SNTG2: variants seen among roughly 807,000 people sequenced by gnomAD.
The protein encoded by SNTG2 is gamma-2-syntrophin.
Under a neutral mutation model 70.9 loss-of-function variants are expected in SNTG2, and 74 were observed. The ratio of observed to expected loss-of-function variants is 1.04; its 90% CI spans 0.86 to 1.27. The LOEUF (loss-of-function observed/expected upper bound fraction) is 1.27, where lower values mean the gene tolerates loss of function less well. Among genes scored for constraint, SNTG2 ranks in the 50% most tolerant of loss-of-function variants. The pLI, the probability that SNTG2 is intolerant of heterozygous loss-of-function variation, is 0.00. For synonymous variants in SNTG2, 278 were observed against 273.8 expected (o/e 1.02, Z -0.15); for missense variants, 717 against 690.7 (o/e 1.04, Z -0.43).
intron 14 of SNTG2, among the ~76,000 whole-genome samples, chr2:1,271,316 GAA>G (rs969419248): frequency 6.6e-6 from 1 of 151,800 alleles, no homozygotes; most frequent in African/African-American, 2.4e-5. Context: ...CCTTTTTATT[GAA>G]AAGTCATCAC....
chr2:1,217,405 G>C (rs28451701), intron 9 of SNTG2, among the ~76,000 whole-genome samples: 27,566 of 152,150 alleles, frequency 0.18, 4,949 homozygotes, highest in African/African-American at 0.47. Flanking sequence ...TACACAGTAC[G>C]AGAAAAGATT....
intron 12 of SNTG2, among the ~76,000 whole-genome samples, chr2:1,255,579 C>T (rs1678005908): frequency 6.6e-6 from 1 of 151,882 alleles, no homozygotes; most frequent in Admixed American, 6.6e-5. Context: ...CTGAGCCTCA[C>T]TCCAAACTTG....
chr2:1,128,727 T>C lies in SNTG2; in HGVS notation c.326-8895T>C, dbSNP rs1200352255. On this transcript the variant is annotated intron_variant, in intron 4 of 16. Coordinates refer to ENST00000308624, the MANE Select transcript of SNTG2 (RefSeq NM_018968.4). ...TGTGTTAGAAACTAGGACTTCTGCT[T>C]GGTGTTTTCTTGTGGACAGGTTCTG... 2.6e-5 allele frequency among the ~76,000 whole-genome samples: 4 copies of C among 151,824 alleles called. No individual in the cohort carries two copies. The East Asian group carries it at 7.8e-4, about 30-fold the overall frequency.
rs955049584 is a variant in SNTG2, at chr2:1,143,456, G to A, written c.411+5647G>A. Among the ~76,000 whole-genome samples, 49 of 152,020 alleles carry A rather than the reference G, an allele frequency of 3.2e-4. 1 individual carries two copies. Among genetic ancestry groups the A allele is most frequent in the Admixed American group, 2.0e-4 (3 of 15,266 alleles). ...ACTAAACTCTACCCACTAGGATTTT[G>A]TCAGGAAAATGGGAGCAGCTCCAGG... is the stretch of plus-strand genomic sequence containing the variant. On this transcript the variant is annotated intron_variant, in intron 6 of 16. Transcript: ENST00000308624.
intron 1 of SNTG2, among the ~76,000 whole-genome samples, chr2:972,001 G>A (rs1350713920): frequency 6.6e-6 from 1 of 151,960 alleles, no homozygotes; most frequent in Non-Finnish European, 1.5e-5. Flanking sequence ...TTTTATTGTG[G>A]TCAAAGAATG....
At chr2:1,155,069 A>G (rs1332846539) in intron 6 of SNTG2, among the ~76,000 whole-genome samples, 2 of 151,340 alleles carry the variant, frequency 1.3e-5, no homozygotes, top group Non-Finnish European at 2.9e-5. Flanking sequence ...CACAAACCAC[A>G]CACACAGCAC....
In SNTG2 at chr2:1,134,824, G is replaced by A. The variant is rs554457743; in HGVS notation, c.326-2798G>A. On this transcript the variant is annotated intron_variant, in intron 4 of 16. Transcript: ENST00000308624. ...AGCCGCACAGGAGCCCACAGAGTGG[G>A]GGAGGCTCAGGCATGGCGGGCTGCA... Among the ~76,000 whole-genome samples the A allele has an allele frequency of 4.4e-3, 674 of 152,290 alleles. 3 individuals are homozygous for A. Among genetic ancestry groups the A allele is most frequent in the African/African-American group, 0.015 (608 of 41,574 alleles).
At chr2:1,116,766 CCTGGTGTGTGGGTGCT>C (rs959321537) in intron 4 of SNTG2, among the ~76,000 whole-genome samples, 2 of 115,878 alleles carry the variant, frequency 1.7e-5, no homozygotes, top group African/African-American at 6.7e-5. Context: ...GTGTCAGTGC[CCTGGTGTGTGGGTGCT>C]CTGGTGTGTG....
chr2:1,182,015 G>C (rs994549032), intron 8 of SNTG2, among the ~76,000 whole-genome samples: 1 of 152,158 alleles, frequency 6.6e-6, no homozygotes, highest in Admixed American at 6.5e-5. Flanking sequence ...CCCATCTTCT[G>C]CAAATTCTGT....
rs759391393 is a variant in SNTG2, at chr2:1,098,178, T to C, written c.211-18T>C. The C allele has an allele frequency of 2.5e-6, 4 of 1,613,418 alleles. No homozygotes were observed. In the Admixed American group the frequency reaches 6.7e-5, roughly 27 times the overall value. ...CATTTTAACCTAAACTTGGTTTGTT[T>C]TCTAAAATGTTTTAAAGCGCAGAAC... On this transcript the variant is annotated intron_variant, in intron 2 of 16. Transcript: ENST00000308624.
At chr2:1,105,762 A>G (rs1024080893) in intron 4 of SNTG2, among the ~76,000 whole-genome samples, 1 of 152,152 alleles carries the variant, frequency 6.6e-6, no homozygotes, top group Non-Finnish European at 1.5e-5. Context: ...GCCGAGGTGC[A>G]GGCTGGGCTT....
intron 11 of SNTG2, among the ~76,000 whole-genome samples, chr2:1,241,300 C>T (rs1329326712): frequency 6.6e-6 from 1 of 152,146 alleles, no homozygotes; most frequent in African/African-American, 2.4e-5. Context: ...GCAGACAGAT[C>T]CTTGATGCTA....
intron 1 of SNTG2, among the ~76,000 whole-genome samples, chr2:990,215 C>T (rs1370052186): frequency 6.6e-6 from 1 of 152,240 alleles, no homozygotes; most frequent in Non-Finnish European, 1.5e-5. Context: ...TTCAGTTCCT[C>T]TGTTTGCTTG....
chr2:1,254,268 C>T (rs1360117965), intron 12 of SNTG2, among the ~76,000 whole-genome samples: 2 of 152,200 alleles, frequency 1.3e-5, no homozygotes, highest in African/African-American at 4.8e-5. Context: ...CTTTCCCATG[C>T]ACCAGGAGAT....
chr2:1,081,197 GGC>G (rs1352734343), intron 1 of SNTG2, among the ~76,000 whole-genome samples: 1 of 152,224 alleles, frequency 6.6e-6, no homozygotes. Flanking sequence ...GCAGCCCTGT[GGC>G]GGAGCTGGCC....
intron 8 of SNTG2, among the ~76,000 whole-genome samples, chr2:1,195,719 T>C (rs1368659852): frequency 2.0e-5 from 3 of 152,246 alleles, no homozygotes; most frequent in Non-Finnish European, 4.4e-5. Flanking sequence ...AGAAGCTCTT[T>C]AGTTTAATCA....
chr2:1,296,379 G>T (rs1276717116), intron 14 of SNTG2, among the ~76,000 whole-genome samples: 2 of 152,226 alleles, frequency 1.3e-5, no homozygotes, highest in Non-Finnish European at 2.9e-5. Context: ...AGATGACAGA[G>T]TGAGGGGCAG....
At chr2:1,252,734 AC>A (rs1677838392) in intron 12 of SNTG2, among the ~76,000 whole-genome samples, 1 of 152,108 alleles carries the variant, frequency 6.6e-6, no homozygotes, top group African/African-American at 2.4e-5. Context: ...GGAGAAATCA[AC>A]CCCTCATATT....
intron 9 of SNTG2, among the ~76,000 whole-genome samples, chr2:1,221,467 CTCTCTGTCTCTCT>C (rs1674833925): frequency 0.022 from 735 of 32,926 alleles, 66 homozygotes; most frequent in East Asian, 0.056. Context: ...CTGTCTCTGT[CTCTCTGTCTCTCT>C]CTCTCTCTGT....
Sources: allele counts gnomAD v4.1 joint callset (sites outside exome capture counted in the v4.1 genomes callset), GRCh38; gene constraint gnomAD v4.1.1; transcripts MANE v1.5; gene names NCBI Gene and HGNC (gene_info 2026-07-23, HGNC 2026-07-21).